The following RNF212B variants were observed in gnomAD, a reference collection of about 807,000 sequenced individuals.
RNF212B encodes E3 ubiquitin-protein ligase RNF212B.
A neutral mutation model predicts 55.5 loss-of-function variants in RNF212B; 52 were observed. The observed-to-expected ratio is 0.94, with a 90% CI of 0.75 to 1.18. RNF212B has a LOEUF of 1.18. RNF212B is among the 50% of genes most tolerant of loss of function. RNF212B has a pLI of 0.00. For synonymous variants in RNF212B, 99 were observed against 121.4 expected, an observed-to-expected ratio of 0.82 and a Z score of 1.21; for missense variants, 289 against 350.4, an observed-to-expected ratio of 0.82 and a Z score of 1.40.
intron 2 of RNF212B, among the ~76,000 whole-genome samples, chr14:23,227,048 AAT>A (rs1381526876): frequency 6.6e-6 from 1 of 151,860 alleles, no homozygotes; most frequent in Non-Finnish European, 1.5e-5. Context: ...TGAAATCAGT[AAT>A]GTCATGAGGT....
At chr14:23,232,480 C>T (rs1319227581) in intron 2 of RNF212B, among the ~76,000 whole-genome samples, 24 of 126,370 alleles carry the variant, frequency 1.9e-4, no homozygotes, top group Non-Finnish European at 2.6e-4. Flanking sequence ...GGAGCCCCTC[C>T]GCCCGGCAGC....
At chr14:23,236,771 A>G (rs925494603), upstream of RNF212B, among the ~76,000 whole-genome samples, 1 of 151,720 alleles carries the variant, frequency 6.6e-6, no homozygotes, top group African/African-American at 2.4e-5. Context: ...GAGAACTACT[A>G]CTCTAAGTGG....
chr14:23,242,752 T>C (rs1386877386), intron 2 of RNF212B, among the ~76,000 whole-genome samples: 2 of 152,070 alleles, frequency 1.3e-5, no homozygotes, highest in African/African-American at 4.8e-5. Flanking sequence ...GGTGGGAGGA[T>C]CACTTGAGCC....
intron 4 of RNF212B, among the ~76,000 whole-genome samples, chr14:23,245,348 G>A (rs1883910786): frequency 6.6e-6 from 1 of 151,992 alleles, no homozygotes; most frequent in Non-Finnish European, 1.5e-5. Context: ...AACATTATAA[G>A]TATATTAAAA....
At chr14:23,188,744 C>T (rs1877839409) in intron 1 of RNF212B, among the ~76,000 whole-genome samples, 1 of 152,114 alleles carries the variant, frequency 6.6e-6, no homozygotes, top group East Asian at 1.9e-4. Context: ...TGCTGGGAGC[C>T]ACTGTGTGAA....
chr14:23,237,958 G>C lies in RNF212B; in HGVS notation c.-99G>C, dbSNP rs939321589. ...AGCCTCTTTCCTCACCCGGTGCCAA[G>C]CCAGCTGTTTACTTTCCCGCCATGT... On this transcript the variant is annotated 5_prime_UTR_variant, in exon 1 of 15. Coordinates refer to ENST00000430154, the MANE Select transcript of RNF212B (RefSeq NM_001282322.3). 6.6e-6 allele frequency among the ~76,000 whole-genome samples: 1 copy of C among 152,196 alleles called. No homozygotes were observed. The highest frequency in any genetic ancestry group is 1.9e-4 in the East Asian group (1 of 5,202).
chr14:23,196,746 A>G (rs1878754622), intron 2 of RNF212B, among the ~76,000 whole-genome samples: 1 of 152,072 alleles, frequency 6.6e-6, no homozygotes, highest in South Asian at 2.1e-4. Flanking sequence ...TAGGGCCCAA[A>G]GGGCTTTTTT....
intron 2 of RNF212B, among the ~76,000 whole-genome samples, chr14:23,231,851 G>T (rs934269987): frequency 4.6e-5 from 7 of 152,186 alleles, no homozygotes; most frequent in African/African-American, 1.7e-4. Context: ...TGTGTTGGCC[G>T]GGCTGGTCTC....
At chr14:23,249,916 G>A (rs1018245709) in intron 4 of RNF212B, among the ~76,000 whole-genome samples, 4 of 152,136 alleles carry the variant, frequency 2.6e-5, no homozygotes, top group African/African-American at 9.7e-5. Context: ...ATCTGAACAA[G>A]TAACTGCCTT....
Position 23,264,176 on chromosome 14 carries a change from G to A in RNF212B, c.527G>A (p.Arg176Gln), listed in dbSNP as rs1047442622. The A allele has an allele frequency of 1.4e-5, 22 of 1,548,168 alleles. No individual in the cohort carries two copies. Among genetic ancestry groups the A allele is most frequent in the South Asian group, 6.0e-5 (5 of 83,894 alleles). Residue 176 changes from arginine to glutamine, a missense_variant and splice_region_variant, in exon 10 of 15, where the codon CGG (arginine) becomes CAG (glutamine). Transcript: ENST00000430154. The part of the protein sequence containing the change: ...SFQHSSQVVS[R>Q]SSSAESIPYR... ...TCTTTTTGTTTCACCTTATACAGTC[G>A]GTCCTCCTCAGCGGAATCTATTCCT...
intron 4 of RNF212B, among the ~76,000 whole-genome samples, chr14:23,252,615 T>A (rs1431108346): frequency 1.3e-5 from 2 of 152,052 alleles, no homozygotes; most frequent in Non-Finnish European, 2.9e-5. Flanking sequence ...TAGAGGTTTT[T>A]AAAGGGTTGG....
chr14:23,253,612 G>A (rs1342832199), intron 4 of RNF212B, among the ~76,000 whole-genome samples: 1 of 151,962 alleles, frequency 6.6e-6, no homozygotes, highest in African/African-American at 2.4e-5. Flanking sequence ...CTCTTATTTT[G>A]TATGAGGGTA....
At chr14:23,263,418 C>T (rs1456314337) in intron 9 of RNF212B, among the ~76,000 whole-genome samples, 2 of 152,210 alleles carry the variant, frequency 1.3e-5, no homozygotes, top group Non-Finnish European at 2.9e-5. Flanking sequence ...GGAACCACTG[C>T]TCTTTTGACA....
upstream of RNF212B, among the ~76,000 whole-genome samples, chr14:23,236,493 C>G (rs997354370): frequency 6.6e-6 from 1 of 152,060 alleles, no homozygotes; most frequent in South Asian, 2.1e-4. Context: ...CCAGCCCTGG[C>G]GACAGAGTGA....
At chr14:23,191,352 A>C (rs1878105160) in intron 1 of RNF212B, among the ~76,000 whole-genome samples, 1 of 150,430 alleles carries the variant, frequency 6.6e-6, no homozygotes, top group Non-Finnish European at 1.5e-5. Context: ...CTGTCTCAAA[A>C]AAAAAAAAAA....
At chr14:23,209,177 C>A (rs1880229073) in intron 2 of RNF212B, among the ~76,000 whole-genome samples, 1 of 152,208 alleles carries the variant, frequency 6.6e-6, no homozygotes, top group South Asian at 2.1e-4. Flanking sequence ...CATTTGTAAA[C>A]TGTCATGGTG....
chr14:23,233,828 G>A (rs1882910126), upstream of RNF212B, among the ~76,000 whole-genome samples: 1 of 151,978 alleles, frequency 6.6e-6, no homozygotes, highest in Non-Finnish European at 1.5e-5. Flanking sequence ...TGGGCATGGT[G>A]GCTCATGCCT....
chr14:23,264,735 G>T, intron 11 of RNF212B, 64 bp downstream of exon 11: 1 of 1,010,942 alleles, frequency 9.9e-7, no homozygotes, highest in South Asian at 4.8e-5. Flanking sequence ...GCGGATTTCT[G>T]GTTTTCTATG....
At chr14:23,242,394 C>G (rs1327512518) in intron 2 of RNF212B, among the ~76,000 whole-genome samples, 2 of 152,134 alleles carry the variant, frequency 1.3e-5, no homozygotes, top group Non-Finnish European at 2.9e-5. Flanking sequence ...TTAATTTTTG[C>G]TTCTTTCAGA....
Sources: gnomAD v4.1 joint callset for allele counts (sites outside exome capture counted in the v4.1 genomes callset) on GRCh38, gnomAD v4.1.1 for gene constraint, MANE v1.5 for transcripts, NCBI Gene and HGNC (gene_info 2026-07-23, HGNC 2026-07-21) for gene names.